The following RBMS2 variants were observed in gnomAD, a reference collection of about 807,000 sequenced individuals.
RBMS2 encodes RNA binding motif single stranded interacting protein 2.
RBMS2 carries 38 observed loss-of-function variants against 58.4 expected under a neutral mutation model. The ratio of observed to expected loss-of-function variants is 0.65; its 90% CI spans 0.50 to 0.85. The LOEUF (loss-of-function observed/expected upper bound fraction) is 0.85. Among genes scored for constraint, RBMS2 ranks in the 40% least tolerant of loss-of-function variants. The probability of loss-of-function intolerance (pLI) is 0.00; values close to 1 mark genes in which losing one functional copy is unlikely to be tolerated. For missense variants in RBMS2, 367 were observed against 503.7 expected, an observed-to-expected ratio of 0.73 and a Z score of 2.60; for synonymous variants, 151 against 180.7, an observed-to-expected ratio of 0.84 and a Z score of 1.32.
At chr12:56,585,189 TTA>T (rs763206417) in intron 9 of RBMS2, among the ~76,000 whole-genome samples, 6 of 152,262 alleles carry the variant, frequency 3.9e-5, no homozygotes, top group Non-Finnish European at 7.3e-5. Context: ...CTCTAAGATT[TTA>T]TGTTTTACAT....
chr12:56,562,995 T>C (rs1187879847), intron 2 of RBMS2, among the ~76,000 whole-genome samples: 1 of 151,960 alleles, frequency 6.6e-6, no homozygotes, highest in African/African-American at 2.4e-5. Flanking sequence ...TGGTGGCGGG[T>C]GCCTGTAGTC....
intron 2 of RBMS2, among the ~76,000 whole-genome samples, chr12:56,563,478 G>A (rs1377689889): frequency 1.3e-5 from 2 of 152,156 alleles, no homozygotes; most frequent in Non-Finnish European, 1.5e-5. Context: ...GTGGAGATAG[G>A]AACAATTATT....
intron 1 of RBMS2, among the ~76,000 whole-genome samples, chr12:56,526,379 A>G (rs1206304186): frequency 1.3e-5 from 2 of 152,016 alleles, no homozygotes; most frequent in African/African-American, 2.4e-5. Context: ...TGAAATACAT[A>G]CTTCACTTAT....
At chr12:56,581,775 C>G (rs1883980806) in intron 7 of RBMS2, 58 bp from the exon 8 acceptor site, 1 of 1,582,426 alleles carries the variant, frequency 6.3e-7, no homozygotes, top group African/African-American at 1.3e-5. Flanking sequence ...ACATTCTGGG[C>G]CAGCTCCTAT....
chr12:56,558,006 T>G (rs1202594059), intron 1 of RBMS2, among the ~76,000 whole-genome samples: 1 of 138,802 alleles, frequency 7.2e-6, no homozygotes, highest in Non-Finnish European at 1.5e-5. Context: ...CCCAAAGTAC[T>G]GGGATTACAG....
chr12:56,524,615 A>C (rs1012300759), intron 1 of RBMS2, among the ~76,000 whole-genome samples: 15 of 151,940 alleles, frequency 9.9e-5, no homozygotes, highest in Admixed American at 6.6e-5. Context: ...GGGTTTCACC[A>C]TGTTGGCCAG....
chr12:56,555,445 A>G (rs1194817336), intron 1 of RBMS2, among the ~76,000 whole-genome samples: 1 of 151,506 alleles, frequency 6.6e-6, no homozygotes, highest in East Asian at 1.9e-4. Flanking sequence ...GGTCTCAAAA[A>G]AAAAAAAAAA....
intron 1 of RBMS2, among the ~76,000 whole-genome samples, chr12:56,525,725 G>A (rs956174531): frequency 7.2e-5 from 11 of 151,814 alleles, no homozygotes; most frequent in African/African-American, 2.2e-4. Context: ...GCAGTGGGGC[G>A]ATCTCAGCTC....
chr12:56,581,808 T>A lies in RBMS2; in HGVS notation c.733-25T>A, dbSNP rs756898316. On this transcript the variant is annotated intron_variant, in intron 7 of 13. Coordinates refer to ENST00000262031, the MANE Select transcript of RBMS2 (RefSeq NM_002898.4). ...TATTCTCACTCAAGGGCTCACAATG[T>A]GAACACTGTGTTCTTTCTTTATAGG... 13 of 1,613,836 alleles carry A rather than the reference T, an allele frequency of 8.1e-6. No individual in the cohort carries two copies. The Admixed American group carries it at 2.2e-4, about 27-fold the overall frequency.
At chr12:56,576,545 G>C (rs1021277924) in intron 5 of RBMS2, among the ~76,000 whole-genome samples, 1 of 152,132 alleles carries the variant, frequency 6.6e-6, no homozygotes, top group Admixed American at 6.6e-5. Context: ...TGAGGATAAG[G>C]GGGGACTACT....
At chr12:56,565,353 A>G (rs1881156568) in intron 2 of RBMS2, among the ~76,000 whole-genome samples, 1 of 152,182 alleles carries the variant, frequency 6.6e-6, no homozygotes, top group African/African-American at 2.4e-5. Context: ...CATAGTACCC[A>G]ACAGTTATTT....
At position 56,569,883 on chromosome 12, in the gene RBMS2, G is replaced by C. The variant is rs368037093; in HGVS notation, c.293-16G>C. ...ACACCTCCCACTTCCTAGTGATGCT[G>C]TTTCCTCTGTTCCAGGCTATGGCTT... On this transcript the variant is annotated splice_polypyrimidine_tract_variant and intron_variant, in intron 3 of 13. Coordinates refer to ENST00000262031, the MANE Select transcript of RBMS2 (RefSeq NM_002898.4). The C allele has an allele frequency of 3.1e-6, 5 of 1,599,202 alleles. No individual in the cohort carries two copies. The African/African-American group carries it at 6.7e-5, about 21-fold the overall frequency.
chr12:56,566,191 A>C (rs1460866404), intron 2 of RBMS2, among the ~76,000 whole-genome samples: 1 of 152,186 alleles, frequency 6.6e-6, no homozygotes, highest in Non-Finnish European at 1.5e-5. Flanking sequence ...GTTCTACTAA[A>C]AAAGTCAGTG....
chr12:56,536,922 CTT>C (rs975256484), intron 1 of RBMS2, among the ~76,000 whole-genome samples: 12 of 131,626 alleles, frequency 9.1e-5, no homozygotes, highest in Admixed American at 1.6e-4. Flanking sequence ...CCATCTTGAA[CTT>C]TTTTTTTTTT....
At chr12:56,568,285 G>C (rs1881705116) in intron 2 of RBMS2, among the ~76,000 whole-genome samples, 1 of 152,162 alleles carries the variant, frequency 6.6e-6, no homozygotes, top group South Asian at 2.1e-4. Flanking sequence ...ATAAGTAATG[G>C]CAAGGATTCT....
intron 11 of RBMS2, 25 bp downstream of exon 11, chr12:56,587,689 A>G: frequency 6.2e-7 from 1 of 1,607,450 alleles, no homozygotes. Context: ...TTCTGATTGT[A>G]AACTCTCCTA....
intron 4 of RBMS2, among the ~76,000 whole-genome samples, chr12:56,570,678 C>G (rs562540125): frequency 6.6e-6 from 1 of 152,162 alleles, no homozygotes; most frequent in African/African-American, 2.4e-5. Context: ...CCCGGCTTCA[C>G]GCCATTCTCC....
At chr12:56,555,332 C>T (rs1338418892) in intron 1 of RBMS2, among the ~76,000 whole-genome samples, 1 of 150,826 alleles carries the variant, frequency 6.6e-6, no homozygotes. Context: ...CCCATCTACT[C>T]GGGAGGCTGA....
intron 1 of RBMS2, among the ~76,000 whole-genome samples, chr12:56,562,086 G>A (rs991770847): frequency 6.6e-6 from 1 of 152,186 alleles, no homozygotes; most frequent in Non-Finnish European, 1.5e-5. Context: ...GGGATTACAG[G>A]TGTGAGCCAC....
Sources: allele counts gnomAD v4.1 joint callset (sites outside exome capture counted in the v4.1 genomes callset), GRCh38; gene constraint gnomAD v4.1.1; transcripts MANE v1.5; gene names NCBI Gene and HGNC (gene_info 2026-07-23, HGNC 2026-07-21).